The following KIF6 variants were observed in gnomAD, a reference collection of about 807,000 sequenced individuals.
KIF6 encodes the protein kinesin-like protein KIF6.
KIF6 carries 106 observed loss-of-function variants against 112.7 expected under a neutral mutation model. The ratio of observed to expected loss-of-function variants is 0.94; its 90% CI spans 0.80 to 1.11. KIF6 has a LOEUF of 1.11. Ranked by LOEUF, KIF6 falls within the 50% of genes least tolerant of loss-of-function variation. The pLI is 0.00. For missense variants in KIF6, 929 were observed against 964.0 expected, an observed-to-expected ratio of 0.96 and a Z score of 0.48; for synonymous variants, 339 against 339.9, an observed-to-expected ratio of 1.00 and a Z score of 0.03.
At chr6:39,418,060 T>TG (rs1366498325) in intron 15 of KIF6, among the ~76,000 whole-genome samples, 1 of 61,606 alleles carries the variant, frequency 1.6e-5, no homozygotes, top group African/African-American at 3.8e-5. Flanking sequence ...GGGACTGGGA[T>TG]GCCCCCCAGC....
rs1582094764 is a variant in KIF6, at chr6:39,542,868, C to T, written c.1426+1687G>A. 3.9e-5 allele frequency among the ~76,000 whole-genome samples: 6 copies of T among 152,250 alleles called. No individual in the cohort carries two copies. In the South Asian group the frequency reaches 1.2e-3, roughly 32 times the overall value. ...ATAAATGAAGAGCTAGGATTTCAAT[C>T]CAGGTATGAATTGAAGTGCAGTATT... On this transcript the variant is annotated intron_variant, in intron 12 of 22. Coordinates refer to ENST00000287152, the MANE Select transcript of KIF6 (RefSeq NM_145027.6).
chr6:39,396,435 GA>G (rs1470315852), intron 15 of KIF6, among the ~76,000 whole-genome samples: 1 of 152,190 alleles, frequency 6.6e-6, no homozygotes, highest in Non-Finnish European at 1.5e-5. Context: ...GGTGCACTGG[GA>G]AACTGTGGTG....
intron 10 of KIF6, chr6:39,554,434 C>A: frequency 6.2e-6 from 1 of 160,626 alleles, no homozygotes; most frequent in South Asian, 1.7e-4. Flanking sequence ...ATGCCGTCAC[C>A]CTCCAGAGCC....
chr6:39,419,884 C>T, intron 15 of KIF6, 64 bp downstream of exon 15: 1 of 1,399,942 alleles, frequency 7.1e-7, no homozygotes, highest in Non-Finnish European at 1.0e-6. Context: ...GGAGGCACAT[C>T]ATGACCTGAT....
chr6:39,601,255 C>T (rs1046678950), intron 6 of KIF6, among the ~76,000 whole-genome samples: 1 of 152,130 alleles, frequency 6.6e-6, no homozygotes, highest in Non-Finnish European at 1.5e-5. Flanking sequence ...TTTCTTTCCA[C>T]TTATCTGTAT....
chr6:39,342,630 T>A lies in KIF6; in HGVS notation c.2428+1079A>T, dbSNP rs918731589. Among the ~76,000 whole-genome samples, 3 of 104,208 alleles carry A rather than the reference T, an allele frequency of 2.9e-5. No homozygotes were observed. The highest frequency in any genetic ancestry group is 1.0e-4 in the African/African-American group (2 of 20,022). The allele number at this position is 104,208 out of a possible 152,430, so 68.4% of individuals were successfully genotyped here. On this transcript the variant is annotated intron_variant, in intron 22 of 22. Transcript: ENST00000287152. The surrounding 1 kb of genome is among the most constrained non-coding windows in gnomAD (Gnocchi z 4.7). Reference sequence around the variant, plus strand: ...TTTTTTATTTTTTTTTATTTTTTTTTATTTTTAGACAAGGAAACTGAGAAT... The same window carrying A: ...TTTTTTATTTTTTTTTATTTTTTTTAATTTTTAGACAAGGAAACTGAGAAT...
At chr6:39,649,391 A>G (rs1041797471) in intron 3 of KIF6, among the ~76,000 whole-genome samples, 3 of 152,212 alleles carry the variant, frequency 2.0e-5, no homozygotes, top group Non-Finnish European at 4.4e-5. Context: ...ACCCCACACA[A>G]CCAAAATTGT....
At chr6:39,551,415 C>T (rs146131523) in intron 10 of KIF6, among the ~76,000 whole-genome samples, 14 of 152,070 alleles carry the variant, frequency 9.2e-5, no homozygotes, top group Admixed American at 8.5e-4. Flanking sequence ...GGAATAAGAT[C>T]CAGTATTCAG....
chr6:39,627,824 C>T (rs949932119), intron 5 of KIF6, among the ~76,000 whole-genome samples: 1 of 152,112 alleles, frequency 6.6e-6, no homozygotes, highest in Non-Finnish European at 1.5e-5. Flanking sequence ...ACTATTTTCT[C>T]TACAGCTGAG....
chr6:39,403,179 T>C (rs1466364083), intron 15 of KIF6, among the ~76,000 whole-genome samples: 1 of 152,236 alleles, frequency 6.6e-6, no homozygotes, highest in Non-Finnish European at 1.5e-5. Flanking sequence ...TGTTTTATTT[T>C]TTATTTATTA....
At chr6:39,337,809 A>G (rs567384086) in intron 22 of KIF6, among the ~76,000 whole-genome samples, 1 of 152,176 alleles carries the variant, frequency 6.6e-6, no homozygotes, top group Non-Finnish European at 1.5e-5. Context: ...ACAGTCCCCA[A>G]CCCACGGTGT....
At chr6:39,586,211 CT>C (rs763409002) in intron 8 of KIF6, 49 bp downstream of exon 8, 10 of 1,603,824 alleles carry the variant, frequency 6.2e-6, no homozygotes, top group Non-Finnish European at 7.7e-6. Context: ...GTCTCACGTG[CT>C]AGCAGTAAAA....
intron 6 of KIF6, among the ~76,000 whole-genome samples, chr6:39,609,248 C>T (rs1259335598): frequency 6.6e-6 from 1 of 152,190 alleles, no homozygotes; most frequent in South Asian, 2.1e-4. Flanking sequence ...GGAAAGGAAG[C>T]CAGGCGGAAA....
At chr6:39,501,082 A>G (rs1776105008) in intron 13 of KIF6, among the ~76,000 whole-genome samples, 1 of 152,160 alleles carries the variant, frequency 6.6e-6, no homozygotes, top group African/African-American at 2.4e-5. Flanking sequence ...AGACCCATGA[A>G]GAATGAAGAA....
intron 15 of KIF6, among the ~76,000 whole-genome samples, chr6:39,415,365 T>C (rs948294927): frequency 1.5e-5 from 2 of 136,224 alleles, no homozygotes; most frequent in Non-Finnish European, 3.1e-5. Flanking sequence ...ACAACACAGA[T>C]GTTAAGAGTG....
Position 39,527,772 on chromosome 6 carries a change from C to T in KIF6, c.1645+12231G>A, listed in dbSNP as rs115450211. On this transcript the variant is annotated intron_variant, in intron 13 of 22. Transcript: ENST00000287152. ...AACAAATATCCCTGCCAACTCTACA[C>T]GGGTTTCCTTGTGTCCCTGCTCCCA... Among the ~76,000 whole-genome samples, 1,436 of 152,290 alleles carry T rather than the reference C, an allele frequency of 9.4e-3. 16 individuals carry two copies. The highest frequency in any genetic ancestry group is 0.054 in the Middle Eastern group (16 of 294).
In KIF6 at chr6:39,470,315, C is replaced by T. The variant is rs376802530; in HGVS notation, c.1646-39154G>A. Among the ~76,000 whole-genome samples the T allele has an allele frequency of 3.1e-4, 47 of 152,260 alleles. No homozygotes were observed. In the South Asian group the frequency reaches 5.2e-3, roughly 17 times the overall value. ...ATGCAGTAACAGCAGCTCAGTCTGA[C>T]GGGTAGCTGAGCCGTACAATGTGAT... On this transcript the variant is annotated intron_variant, in intron 13 of 22. Transcript: ENST00000287152.
chr6:39,631,431 C>T (rs775465743), intron 5 of KIF6, among the ~76,000 whole-genome samples: 2 of 152,024 alleles, frequency 1.3e-5, no homozygotes, highest in Non-Finnish European at 2.9e-5. Context: ...TTTGTAGATG[C>T]TCTTTAACAA....
At chr6:39,463,647 A>G (rs1773616142) in intron 13 of KIF6, among the ~76,000 whole-genome samples, 1 of 152,248 alleles carries the variant, frequency 6.6e-6, no homozygotes, top group Non-Finnish European at 1.5e-5. Context: ...ATCATCTCAA[A>G]AAATAATTGT....
Sources: allele counts gnomAD v4.1 joint callset (sites outside exome capture counted in the v4.1 genomes callset), GRCh38; gene constraint gnomAD v4.1.1; non-coding constraint Gnocchi (gnomAD v3.1); transcripts MANE v1.5; gene names NCBI Gene and HGNC (gene_info 2026-07-23, HGNC 2026-07-21).